The following CSDE1 variants were observed in gnomAD, a reference collection of about 807,000 sequenced individuals.
CSDE1 encodes cold shock domain-containing protein E1.
Under a neutral mutation model 89.3 loss-of-function variants are expected in CSDE1, and 17 were observed. The ratio of observed to expected loss-of-function variants is 0.19; its 90% confidence interval spans 0.13 to 0.29. The LOEUF is 0.29. Ranked by LOEUF, CSDE1 falls within the 10% of genes least tolerant of loss-of-function variation. The pLI is 1.00. For missense variants in CSDE1, 672 were observed against 984.2 expected (o/e 0.68, Z 4.24); for synonymous variants, 322 against 332.8 (o/e 0.97, Z 0.35).
Position 114,757,939 on chromosome 1 carries a change from GC to G in CSDE1, c.-403del. On this transcript the variant is annotated 5_prime_UTR_variant, in exon 1 of 20. The change abolishes the stop of an existing upstream ORF in the 5' untranslated region. Transcript: ENST00000358528. ...GTCGTACTCACCCCAACAGCTCAGC[GC>G]CCCCTCTCCAGCGCCGCCATAAGCA... 6.5e-6 allele frequency: 1 copy of G among 152,850 alleles called. No homozygotes were observed. Among genetic ancestry groups the G allele is most frequent in the Non-Finnish European group, 1.5e-5 (1 of 68,224 alleles). 9.5% of individuals were successfully genotyped at this position (152,850 alleles called of 1,614,324 possible).
intron 18 of CSDE1, among the ~76,000 whole-genome samples, chr1:114,719,360 A>G (rs112768100): frequency 6.6e-6 from 1 of 152,354 alleles, no homozygotes; most frequent in African/African-American, 2.4e-5. Flanking sequence ...TTTAAGTAGC[A>G]TATAACCTAG....
intron 2 of CSDE1, among the ~76,000 whole-genome samples, chr1:114,742,349 G>A (rs898666315): frequency 6.6e-6 from 1 of 152,126 alleles, no homozygotes; most frequent in Non-Finnish European, 1.5e-5. Flanking sequence ...CCAGCACAGG[G>A]AGGCCGGGGT....
chr1:114,740,292 C>A (rs891899825), intron 2 of CSDE1, among the ~76,000 whole-genome samples: 2 of 152,160 alleles, frequency 1.3e-5, no homozygotes, highest in African/African-American at 4.8e-5. Flanking sequence ...GATTTGGTAA[C>A]GCTATTTTGA....
At position 114,736,811 on chromosome 1, in the gene CSDE1, G is replaced by A. The variant is rs777758310; in HGVS notation, c.447C>T (p.Asn149=). The change falls in exon 6 of 20, where the codon AAC becomes AAT. Residue 149 remains asparagine, a synonymous_variant. Coordinates refer to ENST00000358528, the MANE Select transcript of CSDE1 (RefSeq NM_001007553.3). ...LTYTPEDVEG[N]VQLETGDKIN... is the part of the protein sequence containing the mutation. Reference sequence around the variant, plus strand: ...TTTTATCTCCAGTTTCCAGCTGAACGTTCCCTTCGACATCTTCAGGGGTGT... The same window carrying A: ...TTTTATCTCCAGTTTCCAGCTGAACATTCCCTTCGACATCTTCAGGGGTGT... The A allele has an allele frequency of 2.5e-5, 41 of 1,612,734 alleles. 1 individual carries two copies. The highest frequency in any genetic ancestry group is 2.3e-4 in the South Asian group (21 of 90,964).
intron 2 of CSDE1, among the ~76,000 whole-genome samples, chr1:114,744,721 T>G (rs1044827259): frequency 3.3e-5 from 5 of 151,986 alleles, no homozygotes; most frequent in Non-Finnish European, 5.9e-5. Flanking sequence ...AAGGGACTGA[T>G]ATCTGATTAT....
chr1:114,742,016 G>A (rs1413822847), intron 2 of CSDE1, among the ~76,000 whole-genome samples: 1 of 152,086 alleles, frequency 6.6e-6, no homozygotes, highest in Non-Finnish European at 1.5e-5. Context: ...ATAACCCAAT[G>A]GGGTGCAGAA....
At chr1:114,747,303 C>CT (rs936576068) in intron 2 of CSDE1, among the ~76,000 whole-genome samples, 2 of 152,150 alleles carry the variant, frequency 1.3e-5, no homozygotes, top group African/African-American at 4.8e-5. Flanking sequence ...ATTACCAAAT[C>CT]TGTTTTCTTA....
intron 10 of CSDE1, among the ~76,000 whole-genome samples, chr1:114,731,470 T>C (rs915472426): frequency 6.6e-6 from 1 of 151,936 alleles, no homozygotes; most frequent in African/African-American, 2.4e-5. Context: ...AACCAGTTCT[T>C]CAAAGGCAAA....
chr1:114,737,609 A>G (rs774455910), intron 4 of CSDE1, 46 bp from the exon 5 acceptor site: 1 of 1,421,980 alleles, frequency 7.0e-7, no homozygotes, highest in South Asian at 1.2e-5. Context: ...TCATTTCAGG[A>G]GCAGCACTGT....
Position 114,723,958 on chromosome 1 carries a change from T to C in CSDE1, c.1798A>G (p.Lys600Glu). The C allele has an allele frequency of 6.2e-7, 1 of 1,614,046 alleles. No homozygotes were observed. The highest frequency in any genetic ancestry group is 8.5e-7 in the Non-Finnish European group (1 of 1,179,930). The change falls in exon 16 of 20, where the codon AAA becomes GAA. Residue 600 changes from lysine to glutamate, a missense_variant. This residue lies in a region of CSDE1 where 206 missense variants were observed against 332.4 expected (regional missense o/e 0.62). Transcript: ENST00000358528. ...ACACTCCTCAGGGGGCGAATTACTT[T>C]GCCAGAGTAAATGGTGGGATCAGCT... ...EEADPTIYSGKVIRPLRSVDP... is the reference protein window; with the variant it reads ...EEADPTIYSGEVIRPLRSVDP...
chr1:114,747,793 G>T (rs1371737303), intron 2 of CSDE1, among the ~76,000 whole-genome samples: 1 of 151,990 alleles, frequency 6.6e-6, no homozygotes, highest in Non-Finnish European at 1.5e-5. Flanking sequence ...GGGAGGCAGA[G>T]GCTGCAGTGA....
Position 114,732,594 on chromosome 1 carries a change from C to G in CSDE1, c.1050+10G>C. 1 of 1,611,916 alleles carries G rather than the reference C, an allele frequency of 6.2e-7. No homozygotes were observed. Among genetic ancestry groups the G allele is most frequent in the Non-Finnish European group, 8.5e-7 (1 of 1,178,168 alleles). On this transcript the variant is annotated intron_variant, in intron 10 of 19. Transcript: ENST00000358528. The stretch of plus-strand genomic sequence containing the variant: ...TATTAGATACATATCCAGTAATATC[C>G]AACACTTACCATTTCTCGGGCTTCA...
chr1:114,718,477 G>C lies in CSDE1; in HGVS notation c.2349+136C>G, dbSNP rs183088762. 4.9e-6 allele frequency: 6 copies of C among 1,225,416 alleles called. 1 individual carries two copies. In the East Asian group the frequency reaches 9.9e-5, roughly 20 times the overall value. The allele number at this position is 1,225,416 out of a possible 1,614,324, so 75.9% of individuals were successfully genotyped here. ...GGTTAGGGGGCTGAACCAATGTGTAGAAAGTCCTAACTAGTTATAAGCAAT... is the reference window on the plus strand; with the variant it reads ...GGTTAGGGGGCTGAACCAATGTGTACAAAGTCCTAACTAGTTATAAGCAAT... On this transcript the variant is annotated intron_variant, in intron 19 of 19. Coordinates refer to ENST00000358528, the MANE Select transcript of CSDE1 (RefSeq NM_001007553.3).
rs575581070 is a variant in CSDE1, at chr1:114,718,609, A to G, written c.2349+4T>C. The G allele has an allele frequency of 6.2e-7, 1 of 1,613,864 alleles. No homozygotes were observed. Among genetic ancestry groups the G allele is most frequent in the African/African-American group, 1.3e-5 (1 of 75,042 alleles). On this transcript the variant is annotated splice_donor_region_variant and intron_variant, in intron 19 of 19. Coordinates refer to ENST00000358528, the MANE Select transcript of CSDE1 (RefSeq NM_001007553.3). ...CCTCCCCCAAGCCTTGTATGCCCTC[A>G]TACCATTGAGTTATCTGGTCCCCTT...
intron 10 of CSDE1, 145 bp from the exon 11 acceptor site, chr1:114,730,793 T>G (rs1660055579): frequency 2.1e-6 from 2 of 971,642 alleles, no homozygotes; most frequent in Non-Finnish European, 3.0e-6. Flanking sequence ...TGTTCTCACT[T>G]AAGTACAAAC....
rs1050112139 is a variant in CSDE1, at chr1:114,717,604, T to A, written c.*565A>T. On this transcript the variant is annotated 3_prime_UTR_variant, in exon 20 of 20. Transcript: ENST00000358528. ...ACAAGATTATAAATGATATGAAAAA[T>A]AACATTTTAAAATTTGGCCATCAAC... The A allele has an allele frequency of 6.6e-6, 1 of 152,572 alleles. No individual in the cohort carries two copies. Among genetic ancestry groups the A allele is most frequent in the African/African-American group, 2.4e-5 (1 of 41,438 alleles). The allele number at this position is 152,572 out of a possible 1,614,324, so 9.5% of individuals were successfully genotyped here.
chr1:114,743,155 A>T lies in CSDE1; in HGVS notation c.1-3265T>A, dbSNP rs147757973. Among the ~76,000 whole-genome samples the T allele has an allele frequency of 9.3e-3, 1,410 of 152,176 alleles. 17 individuals carry two copies. The highest frequency in any genetic ancestry group is 0.03 in the African/African-American group (1,230 of 41,530). On this transcript the variant is annotated intron_variant, in intron 2 of 19. Coordinates refer to ENST00000358528, the MANE Select transcript of CSDE1 (RefSeq NM_001007553.3). ...TGTTTGTTTGTTTATTTAATTAATT[A>T]ATTTATTTTTGAGACACAGTCTTGC...
chr1:114,725,040 G>C (rs1186887259), intron 15 of CSDE1, among the ~76,000 whole-genome samples, 181 bp downstream of exon 15: 2 of 152,198 alleles, frequency 1.3e-5, no homozygotes, highest in East Asian at 3.8e-4. Context: ...GAGTTTCAGT[G>C]GGTATGGGAT....
At position 114,739,412 on chromosome 1, in the gene CSDE1, A is replaced by C. The variant is rs943494573; in HGVS notation, c.199+280T>G. On this transcript the variant is annotated intron_variant, in intron 3 of 19. Coordinates refer to ENST00000358528, the MANE Select transcript of CSDE1 (RefSeq NM_001007553.3). Reference sequence around the variant, plus strand: ...TGACAGAATAATCATAAGTAACATTACAAAAGTTCAATATTCGTACTGGCT... The same window carrying C: ...TGACAGAATAATCATAAGTAACATTCCAAAAGTTCAATATTCGTACTGGCT... Among the ~76,000 whole-genome samples the C allele has an allele frequency of 7.2e-5, 11 of 152,374 alleles. No homozygotes were observed. In the South Asian group the frequency reaches 1.0e-3, roughly 14 times the overall value.
Sources: allele counts gnomAD v4.1 joint callset (sites outside exome capture counted in the v4.1 genomes callset), GRCh38; gene constraint gnomAD v4.1.1; regional missense constraint gnomAD v4.1.1; transcripts MANE v1.5; gene names NCBI Gene and HGNC (gene_info 2026-07-23, HGNC 2026-07-21).